The following WDR27 variants were observed in gnomAD, a reference collection of about 807,000 sequenced individuals.
WDR27 encodes WD repeat domain 27.
In WDR27, 100 loss-of-function variants were observed where a neutral mutation model predicts 114.4. That is an observed-to-expected ratio of 0.87 (90% CI 0.74 to 1.03). The LOEUF is 1.03. Ranked by LOEUF, WDR27 falls within the 50% of genes least tolerant of loss-of-function variation. WDR27 has a pLI of 0.00. For missense variants in WDR27, 1,129 were observed against 1,092.9 expected (o/e 1.03, Z -0.47); for synonymous variants, 449 against 423.1 (o/e 1.06, Z -0.75).
chr6:169,578,889 C>A (rs1482161551), intron 24 of WDR27, among the ~76,000 whole-genome samples: 3 of 152,118 alleles, frequency 2.0e-5, no homozygotes, highest in Non-Finnish European at 4.4e-5. Flanking sequence ...CTGATAGACA[C>A]CTGTGTTATG....
At chr6:169,626,643 G>C (rs1162606989) in intron 21 of WDR27, among the ~76,000 whole-genome samples, 1 of 152,198 alleles carries the variant, frequency 6.6e-6, no homozygotes, top group African/African-American at 2.4e-5. Context: ...ACATCACGCC[G>C]CTTTCCACAT....
chr6:169,553,483 A>G (rs1337225061), intron 25 of WDR27, among the ~76,000 whole-genome samples: 1 of 152,220 alleles, frequency 6.6e-6, no homozygotes, highest in African/African-American at 2.4e-5. Flanking sequence ...TGGAAAGGCC[A>G]AAACACACAG....
intron 25 of WDR27, among the ~76,000 whole-genome samples, chr6:169,549,456 C>G (rs1797834579): frequency 1.3e-5 from 2 of 152,174 alleles, no homozygotes; most frequent in Non-Finnish European, 2.9e-5. Flanking sequence ...TTTTGGAAGA[C>G]AATTTGGCAG....
intron 16 of WDR27, among the ~76,000 whole-genome samples, chr6:169,647,416 C>A (rs553525305): frequency 1.5e-4 from 23 of 152,322 alleles, no homozygotes; most frequent in Admixed American, 3.3e-4. Flanking sequence ...AGTGACTGTT[C>A]CATTAGCTTC....
intron 24 of WDR27, among the ~76,000 whole-genome samples, chr6:169,582,442 C>T (rs1361339925): frequency 6.6e-6 from 1 of 152,094 alleles, no homozygotes; most frequent in Non-Finnish European, 1.5e-5. Context: ...TTTTCAAAAT[C>T]CCGTTCTTAC....
intron 13 of WDR27, among the ~76,000 whole-genome samples, chr6:169,653,364 G>A (rs1020956507): frequency 6.6e-6 from 1 of 152,120 alleles, no homozygotes; most frequent in Non-Finnish European, 1.5e-5. Context: ...AACAATGTGA[G>A]GGTATGGAAT....
chr6:169,483,328 A>G (rs1486395923), intron 25 of WDR27, among the ~76,000 whole-genome samples: 3 of 152,140 alleles, frequency 2.0e-5, no homozygotes, highest in Non-Finnish European at 4.4e-5. Flanking sequence ...ATTAGAAATG[A>G]TAAGTTGGAT....
the WDR27 span, among the ~76,000 whole-genome samples, chr6:169,428,896 G>A: frequency 6.6e-6 from 1 of 152,186 alleles, no homozygotes; most frequent in Non-Finnish European, 1.5e-5. Context: ...TGAGCTCAGA[G>A]GAGGATGCCT....
In WDR27 at chr6:169,612,715, T is replaced by C. The variant is rs148001503; in HGVS notation, c.2321+844A>G. On this transcript the variant is annotated intron_variant, in intron 22 of 25. Coordinates refer to ENST00000448612, the MANE Select transcript of WDR27 (RefSeq NM_182552.5). ...CCTGAGGCTGCTTTATAGTTAATTT[T>C]TTTTATAAGTAGAAGGAATGCACTC... Among the ~76,000 whole-genome samples the C allele has an allele frequency of 1.3e-3, 195 of 152,134 alleles. 4 individuals are homozygous for C. The East Asian group carries it at 0.031, about 24-fold the overall frequency.
chr6:169,578,247 A>G (rs1802776980), intron 24 of WDR27, among the ~76,000 whole-genome samples: 1 of 152,190 alleles, frequency 6.6e-6, no homozygotes, highest in Admixed American at 6.5e-5. Flanking sequence ...GTGAGAGGTC[A>G]GCATAAAGTT....
chr6:169,491,312 G>A (rs1310529283), intron 25 of WDR27, among the ~76,000 whole-genome samples: 1 of 152,124 alleles, frequency 6.6e-6, no homozygotes, highest in Non-Finnish European at 1.5e-5. Context: ...GGAGGTTATT[G>A]CCGGGAGTAG....
At chr6:169,514,224 G>A (rs1366361175) in intron 25 of WDR27, among the ~76,000 whole-genome samples, 1 of 150,896 alleles carries the variant, frequency 6.6e-6, no homozygotes, top group Non-Finnish European at 1.5e-5. Flanking sequence ...TTCAAACAAA[G>A]GATTTTAGTT....
At chr6:169,634,262 A>G (rs998268576) in intron 20 of WDR27, among the ~76,000 whole-genome samples, 166 bp downstream of exon 20, 1 of 152,160 alleles carries the variant, frequency 6.6e-6, no homozygotes, top group Non-Finnish European at 1.5e-5. Flanking sequence ...GAGATGAATT[A>G]TTACACGTAC....
At chr6:169,470,820 T>C (rs1007118389) in intron 25 of WDR27, among the ~76,000 whole-genome samples, 2 of 152,170 alleles carry the variant, frequency 1.3e-5, no homozygotes, top group East Asian at 1.9e-4. Context: ...TAAAGGAGCA[T>C]GCAATTTGGT....
intron 25 of WDR27, among the ~76,000 whole-genome samples, chr6:169,488,463 A>G (rs1322205140): frequency 6.6e-6 from 1 of 152,244 alleles, no homozygotes; most frequent in Admixed American, 6.5e-5. Context: ...AAGTTCTTCT[A>G]GCATGATAAT....
chr6:169,502,656 C>T (rs530296295), intron 25 of WDR27, among the ~76,000 whole-genome samples: 1 of 152,298 alleles, frequency 6.6e-6, no homozygotes, highest in Non-Finnish European at 1.5e-5. Flanking sequence ...TCTCGTCTCA[C>T]TCCCCGGCGC....
chr6:169,678,497 C>T (rs1184246914), intron 2 of WDR27, among the ~76,000 whole-genome samples: 2 of 152,162 alleles, frequency 1.3e-5, no homozygotes, highest in African/African-American at 4.8e-5. Context: ...ATTTTACAGG[C>T]TCATAGGTGG....
intron 25 of WDR27, among the ~76,000 whole-genome samples, chr6:169,477,430 T>G (rs1223965553): frequency 6.6e-6 from 1 of 152,210 alleles, no homozygotes; most frequent in African/African-American, 2.4e-5. Flanking sequence ...GGCAGTTTCT[T>G]AATTTTTTTT....
chr6:169,643,594 G>T lies in WDR27; in HGVS notation c.1747+103C>A, dbSNP rs1819726897. On this transcript the variant is annotated intron_variant, in intron 17 of 25. Coordinates refer to ENST00000448612, the MANE Select transcript of WDR27 (RefSeq NM_182552.5). Reference sequence around the variant, plus strand: ...ATTCAAGCCATGGCTTTGGTTTGCTGATGTCCTGAAGGAAACAAAAGTGTC... The same window carrying T: ...ATTCAAGCCATGGCTTTGGTTTGCTTATGTCCTGAAGGAAACAAAAGTGTC... The T allele has an allele frequency of 2.0e-5, 18 of 900,928 alleles. No individual in the cohort carries two copies. The Admixed American group carries it at 4.3e-4, about 21-fold the overall frequency. The allele number at this position is 900,928 out of a possible 1,614,324, so 55.8% of individuals were successfully genotyped here. A position where few individuals can be genotyped will look rare whatever the true frequency, so the allele number is the denominator to read the frequency against.
Sources: allele counts gnomAD v4.1 joint callset (sites outside exome capture counted in the v4.1 genomes callset), GRCh38; gene constraint gnomAD v4.1.1; transcripts MANE v1.5; gene names NCBI Gene and HGNC (gene_info 2026-07-23, HGNC 2026-07-21).